Variants in PLCH1 observed in about 807,000 individuals in gnomAD.
PLCH1 encodes phospholipase C eta 1.
A neutral mutation model predicts 126.7 loss-of-function variants in PLCH1; 60 were observed. The ratio of observed to expected loss-of-function variants is 0.47; its 90% CI spans 0.38 to 0.59. The LOEUF (loss-of-function observed/expected upper bound fraction) is 0.59. Ranked by LOEUF, PLCH1 falls within the 20% of genes least tolerant of loss-of-function variation. The probability of loss-of-function intolerance (pLI) is 0.00; values close to 1 mark genes in which losing one functional copy is unlikely to be tolerated. For synonymous variants in PLCH1, 719 were observed against 734.9 expected, an observed-to-expected ratio of 0.98 and a Z score of 0.35; for missense variants, 1,723 against 2,040.0, an observed-to-expected ratio of 0.84 and a Z score of 2.99.
chr3:155,615,010 G>A (rs1305219822), intron 2 of PLCH1, among the ~76,000 whole-genome samples: 4 of 151,954 alleles, frequency 2.6e-5, no homozygotes, highest in African/African-American at 7.3e-5. Context: ...CCAAAAAGTG[G>A]GAGAAAATCT....
intron 1 of PLCH1, among the ~76,000 whole-genome samples, chr3:155,735,372 G>A (rs982003490): frequency 1.3e-5 from 2 of 149,862 alleles, no homozygotes; most frequent in South Asian, 2.1e-4. Context: ...AGTGGCTCAC[G>A]CCTGTAATCC....
intron 21 of PLCH1, among the ~76,000 whole-genome samples, chr3:155,458,159 T>C (rs138877020): frequency 0.052 from 7,964 of 151,796 alleles, 372 homozygotes; most frequent in African/African-American, 0.12. Flanking sequence ...CTGGCCAACA[T>C]GGTGAAACCC....
At chr3:155,572,208 G>T (rs934161941) in intron 6 of PLCH1, among the ~76,000 whole-genome samples, 1 of 152,146 alleles carries the variant, frequency 6.6e-6, no homozygotes, top group East Asian at 1.9e-4. Flanking sequence ...TTGTGAAAGA[G>T]CTCTCAGGAA....
intron 2 of PLCH1, among the ~76,000 whole-genome samples, chr3:155,610,804 T>TA (rs949866333): frequency 1.9e-4 from 29 of 149,992 alleles, no homozygotes; most frequent in African/African-American, 4.4e-4. Flanking sequence ...ACAACACAAT[T>TA]AAAAAAAAAC....
intron 10 of PLCH1, among the ~76,000 whole-genome samples, chr3:155,532,238 C>T (rs76742264): frequency 0.019 from 2,935 of 152,232 alleles, 102 homozygotes; most frequent in African/African-American, 0.067. Context: ...AGACTCGCAT[C>T]GTGAACTTGT....
At chr3:155,634,273 C>T (rs1180187794) in intron 2 of PLCH1, among the ~76,000 whole-genome samples, 2 of 152,210 alleles carry the variant, frequency 1.3e-5, no homozygotes, top group African/African-American at 4.8e-5. Context: ...ACAGCAGCAG[C>T]GTGTTGCTCT....
rs111617997 is a variant in PLCH1, at chr3:155,562,329, T to C, written c.1069+2586A>G. ...CTGTTCTCATTTTCTTAAAGTGTGA[T>C]GACAACTTTCCACATTTTTCTATTT... On this transcript the variant is annotated intron_variant, in intron 8 of 22. Coordinates refer to ENST00000460012, the MANE Select transcript of PLCH1 (RefSeq NM_014996.4). 5.9e-5 allele frequency among the ~76,000 whole-genome samples: 9 copies of C among 152,218 alleles called. 1 individual carries two copies. The highest frequency in any genetic ancestry group is 2.2e-4 in the African/African-American group (9 of 41,458).
intron 10 of PLCH1, among the ~76,000 whole-genome samples, chr3:155,539,765 C>T (rs1259926422): frequency 6.6e-6 from 1 of 152,138 alleles, no homozygotes; most frequent in African/African-American, 2.4e-5. Context: ...GAAACACATT[C>T]CATGCTCAAG....
intron 10 of PLCH1, among the ~76,000 whole-genome samples, chr3:155,524,930 T>A (rs553998399): frequency 6.6e-4 from 101 of 152,252 alleles, no homozygotes; most frequent in Non-Finnish European, 1.1e-3. Flanking sequence ...GGCAGGAGGA[T>A]GACTTGAGTC....
intron 2 of PLCH1, among the ~76,000 whole-genome samples, chr3:155,643,228 C>T (rs1739612402): frequency 6.6e-6 from 1 of 152,166 alleles, no homozygotes; most frequent in African/African-American, 2.4e-5. Context: ...GGATTACAGA[C>T]ATGAGCCACC....
At chr3:155,662,726 G>A (rs781755768) in intron 2 of PLCH1, among the ~76,000 whole-genome samples, 4 of 151,882 alleles carry the variant, frequency 2.6e-5, no homozygotes, top group African/African-American at 7.3e-5. Context: ...GTGCAGTGGC[G>A]CAATCTCAGC....
chr3:155,636,339 T>G (rs1738716729), intron 2 of PLCH1, among the ~76,000 whole-genome samples: 1 of 152,232 alleles, frequency 6.6e-6, no homozygotes, highest in Non-Finnish European at 1.5e-5. Context: ...GTTTTTATTG[T>G]TGCTATTAGG....
chr3:155,561,030 C>T (rs2108496242), intron 8 of PLCH1, among the ~76,000 whole-genome samples: 1 of 152,120 alleles, frequency 6.6e-6, no homozygotes, highest in African/African-American at 2.4e-5. Context: ...AATGATTGTT[C>T]TTCTACACTC....
At chr3:155,469,364 G>A (rs920529036) in intron 21 of PLCH1, among the ~76,000 whole-genome samples, 2 of 152,234 alleles carry the variant, frequency 1.3e-5, no homozygotes, top group South Asian at 2.1e-4. Context: ...TGCGCTTTTC[G>A]GACCGGCCTA....
chr3:155,486,618 G>A (rs895321409), intron 21 of PLCH1, among the ~76,000 whole-genome samples: 8 of 146,740 alleles, frequency 5.5e-5, no homozygotes, highest in South Asian at 4.4e-4. Context: ...TCCGCTTCCC[G>A]GGTTCACGCC....
downstream of PLCH1, among the ~76,000 whole-genome samples, chr3:155,478,976 C>CT (rs535895729): frequency 3.0e-3 from 454 of 152,174 alleles, 1 homozygote; most frequent in African/African-American, 0.011. Context: ...AAATATTTGT[C>CT]TTTTCTTTGT....
intron 19 of PLCH1, 91 bp downstream of exon 19, chr3:155,490,693 T>G: frequency 1.4e-6 from 1 of 704,516 alleles, no homozygotes; most frequent in South Asian, 1.8e-5. Flanking sequence ...ATTTTAGAGA[T>G]TTCTTGCTCT....
At chr3:155,468,709 T>G (rs1251501326) in intron 21 of PLCH1, among the ~76,000 whole-genome samples, 1 of 152,094 alleles carries the variant, frequency 6.6e-6, no homozygotes, top group Non-Finnish European at 1.5e-5. Flanking sequence ...TTTAAACATA[T>G]ATATAACAAA....
intron 21 of PLCH1, chr3:155,486,276 C>T: frequency 1.0e-6 from 1 of 969,182 alleles, no homozygotes; most frequent in Non-Finnish European, 1.6e-6. Context: ...CACAAGTAAA[C>T]ACAAAAGAAA....
Sources: allele counts gnomAD v4.1 joint callset (sites outside exome capture counted in the v4.1 genomes callset), GRCh38; gene constraint gnomAD v4.1.1; transcripts MANE v1.5; gene names NCBI Gene and HGNC (gene_info 2026-07-23, HGNC 2026-07-21).